HARBI1: variants seen among roughly 807,000 people sequenced by gnomAD.
The protein encoded by HARBI1 is putative nuclease HARBI1.
HARBI1 carries 15 observed loss-of-function variants against 25.3 expected under a neutral mutation model. The observed-to-expected ratio is 0.59, with a 90% confidence interval of 0.40 to 0.91. HARBI1 has a LOEUF of 0.91. Ranked by LOEUF, HARBI1 falls within the 40% of genes least tolerant of loss-of-function variation. The pLI is 0.00. For synonymous variants in HARBI1, 168 were observed against 160.5 expected (o/e 1.05, Z -0.35); for missense variants, 396 against 445.8 (o/e 0.89, Z 1.01).
rs1394299234 is a variant in HARBI1 at position 46,604,315 on chromosome 11, C to T, written c.671-406G>A. The T allele has an allele frequency of 4.6e-6, 4 of 868,554 alleles. No individual in the cohort carries two copies. The African/African-American group carries it at 5.5e-5, about 12-fold the overall frequency. The allele number at this position is 868,554 out of a possible 1,614,324, so 53.8% of individuals were successfully genotyped here. ...CCAACTGAGGCCCGGAGTTCAAGAC[C>T]AGCCTGACCAACGTGGGAGGCGGAG... is the stretch of plus-strand genomic sequence containing the variant. On this transcript the variant is annotated intron_variant, in intron 2 of 2. Coordinates refer to ENST00000326737, the MANE Select transcript of HARBI1 (RefSeq NM_173811.4).
chr11:46,610,257 C>T (rs971898779), intron 2 of HARBI1, among the ~76,000 whole-genome samples: 1 of 151,878 alleles, frequency 6.6e-6, no homozygotes, highest in African/African-American at 2.4e-5. Context: ...GAGGTCAAGG[C>T]TTCAATAAGT....
chr11:46,604,177 G>C, intron 2 of HARBI1: 5 of 985,400 alleles, frequency 5.1e-6, no homozygotes, highest in Non-Finnish European at 6.0e-6. Context: ...AAATATGAAA[G>C]AATGTAGGAA....
chr11:46,614,294 G>C (rs2045295112), intron 2 of HARBI1, among the ~76,000 whole-genome samples: 2 of 152,136 alleles, frequency 1.3e-5, no homozygotes, highest in East Asian at 3.9e-4. Context: ...GGGCATAGTG[G>C]CGCATGCCTA....
intron 1 of HARBI1, chr11:46,616,601 G>C: frequency 9.7e-7 from 1 of 1,026,512 alleles, no homozygotes; most frequent in African/African-American, 1.7e-5. Context: ...TTAATGCTTG[G>C]CATTTCAATT....
In HARBI1 at chr11:46,615,732, T is replaced by C. The variant is rs755452054; in HGVS notation, c.506A>G (p.Lys169Arg). The change falls in exon 2 of 3, where the codon AAA becomes AGA. Residue 169 changes from lysine (K) to arginine (R), a missense_variant. By Grantham distance (26) the Lys-to-Arg change is conservative. Coordinates refer to ENST00000326737, the MANE Select transcript of HARBI1 (RefSeq NM_173811.4). ...NAEDLSYVNRKGLHSLNCLMV... is the reference protein window; with the variant it reads ...NAEDLSYVNRRGLHSLNCLMV... ...CAGGCAGTTTAAAGAATGCAGGCCT[T>C]TTCGGTTCACATAGGAGAGGTCTTC... 8.1e-6 allele frequency: 13 copies of C among 1,614,154 alleles called. 1 individual carries two copies. The highest frequency in any genetic ancestry group is 5.0e-5 in the Admixed American group (3 of 59,998).
At chr11:46,617,385 T>G (rs149866474), upstream of HARBI1, 1,490 of 154,480 alleles carry the variant, frequency 9.6e-3, 14 homozygotes, top group African/African-American at 0.034. Flanking sequence ...TGTTTTATCT[T>G]GAGTAGCTTA....
chr11:46,603,443 T>G lies in HARBI1; in HGVS notation c.*87A>C. The G allele has an allele frequency of 8.7e-7, 1 of 1,155,594 alleles. No homozygotes were observed. The highest frequency in any genetic ancestry group is 2.3e-5 in the Admixed American group (1 of 43,896). The allele number at this position is 1,155,594 out of a possible 1,614,324, so 71.6% of individuals were successfully genotyped here. A position where few individuals can be genotyped will look rare whatever the true frequency, so the allele number is the denominator to read the frequency against. On this transcript the variant is annotated 3_prime_UTR_variant, in exon 3 of 3. Transcript: ENST00000326737. ...TGACAAGTATCTGTATACTCAGTCA[T>G]GCTAGATGATGGAACTGTGTAAAAG...
intron 2 of HARBI1, among the ~76,000 whole-genome samples, chr11:46,613,479 CTTTTT>C (rs541300001): frequency 8.7e-6 from 1 of 115,186 alleles, no homozygotes; most frequent in Non-Finnish European, 1.8e-5. Context: ...AGTATGTTGG[CTTTTT>C]TTTTTTTTTT....
At position 46,616,635 on chromosome 11, in the gene HARBI1, G is replaced by C. The variant is rs1057064278; in HGVS notation, c.-144-254C>G. 4 of 1,006,712 alleles carry C rather than the reference G, an allele frequency of 4.0e-6. No individual in the cohort carries two copies. In the African/African-American group the frequency reaches 7.0e-5, roughly 18 times the overall value. 62.4% of individuals were successfully genotyped at this position (1,006,712 alleles called of 1,614,324 possible). ...TTGAGAACACCAAAAGAATAATGGA[G>C]GTGATGACATAATTATTCACAAGGT... On this transcript the variant is annotated intron_variant, in intron 1 of 2. Transcript: ENST00000326737.
chr11:46,607,830 A>C (rs1419655878), intron 2 of HARBI1, among the ~76,000 whole-genome samples: 1 of 150,524 alleles, frequency 6.6e-6, no homozygotes, highest in Non-Finnish European at 1.5e-5. Flanking sequence ...AGGTATATTT[A>C]GAGGGGAATT....
chr11:46,609,771 G>A (rs1427029950), intron 2 of HARBI1, among the ~76,000 whole-genome samples: 1 of 150,872 alleles, frequency 6.6e-6, no homozygotes, highest in Non-Finnish European at 1.5e-5. Flanking sequence ...TGGACTGGCT[G>A]AGCTCAGGAG....
At chr11:46,615,463 C>T (rs1215300980) in intron 2 of HARBI1, 105 bp downstream of exon 2, 16 of 860,926 alleles carry the variant, frequency 1.9e-5, no homozygotes, top group South Asian at 6.5e-5. Flanking sequence ...GGTGATCTAC[C>T]GCCTCAGCCT....
At chr11:46,608,899 G>GCCACC (rs970078021) in intron 2 of HARBI1, among the ~76,000 whole-genome samples, 5 of 150,604 alleles carry the variant, frequency 3.3e-5, no homozygotes, top group African/African-American at 1.2e-4. Context: ...ACAGGCTTGA[G>GCCACC]CCACCGCACC....
In HARBI1 at chr11:46,616,878, A is replaced by T. The variant is rs552646377; in HGVS notation, c.-145+246T>A. On this transcript the variant is annotated intron_variant, in intron 1 of 2. Transcript: ENST00000326737. ...AAAAAAAAAACAACCAAAGTCCACA[A>T]CCCAGCCTTATGGACGTACACTGTG... is the stretch of plus-strand genomic sequence containing the variant. 1.1e-5 allele frequency: 11 copies of T among 969,986 alleles called. No individual in the cohort carries two copies. The East Asian group carries it at 1.2e-3, about 102-fold the overall frequency. 60.1% of individuals were successfully genotyped at this position (969,986 alleles called of 1,614,324 possible). A position where few individuals can be genotyped will look rare whatever the true frequency, so the allele number is the denominator to read the frequency against.
Position 46,611,275 on chromosome 11 carries a change from G to A in HARBI1, c.670+4293C>T, listed in dbSNP as rs193148673. 6.2e-4 allele frequency among the ~76,000 whole-genome samples: 95 copies of A among 152,194 alleles called. No individual in the cohort carries two copies. The East Asian group carries it at 0.013, about 21-fold the overall frequency. On this transcript the variant is annotated intron_variant, in intron 2 of 2. Coordinates refer to ENST00000326737, the MANE Select transcript of HARBI1 (RefSeq NM_173811.4). ...GCCCACCTCGGCCTCCCAAAGTGCT[G>A]GGATTACAGGCGTGAGCCACCGTGC...
intron 2 of HARBI1, among the ~76,000 whole-genome samples, chr11:46,605,555 A>C (rs917931499): frequency 2.2e-5 from 3 of 136,794 alleles, no homozygotes; most frequent in Non-Finnish European, 4.8e-5. Context: ...CAAATTTACT[A>C]TTTAGCTGAC....
chr11:46,611,004 CTTTTTTTT>C (rs1308203480), intron 2 of HARBI1, among the ~76,000 whole-genome samples: 2 of 106,958 alleles, frequency 1.9e-5, no homozygotes, highest in East Asian at 5.1e-4. Context: ...TTATTTAACT[CTTTTTTTT>C]TTTTTTTTTT....
chr11:46,615,324 C>T (rs990101641), intron 2 of HARBI1, among the ~76,000 whole-genome samples: 1 of 151,750 alleles, frequency 6.6e-6, no homozygotes, highest in Non-Finnish European at 1.5e-5. Flanking sequence ...TGGGTTCAAG[C>T]GATTGTCCTG....
chr11:46,607,583 A>G (rs1362376046), intron 2 of HARBI1, among the ~76,000 whole-genome samples: 1 of 152,202 alleles, frequency 6.6e-6, no homozygotes, highest in Non-Finnish European at 1.5e-5. Context: ...TATACAGGAA[A>G]AGCTAAAGGA....
Sources: gnomAD v4.1 joint callset for allele counts (sites outside exome capture counted in the v4.1 genomes callset) on GRCh38, gnomAD v4.1.1 for gene constraint, MANE v1.5 for transcripts, NCBI Gene and HGNC (gene_info 2026-07-23, HGNC 2026-07-21) for gene names.